TMEM244: variants seen among roughly 807,000 people sequenced by gnomAD.
The protein encoded by TMEM244 is putative transmembrane protein 244.
In TMEM244, 13 loss-of-function variants were observed where a neutral mutation model predicts 15.8. The observed-to-expected ratio is 0.82, with a 90% CI of 0.53 to 1.30. The LOEUF (loss-of-function observed/expected upper bound fraction) is 1.30, where lower values mean the gene tolerates loss of function less well. TMEM244 is among the 50% of genes most tolerant of loss of function. The probability of loss-of-function intolerance (pLI) is 0.00; values close to 1 mark genes in which losing one functional copy is unlikely to be tolerated. For synonymous variants in TMEM244, 45 were observed against 48.7 expected (o/e 0.92, Z 0.32); for missense variants, 161 against 144.9 (o/e 1.11, Z -0.57).
intron 3 of TMEM244, among the ~76,000 whole-genome samples, chr6:129,841,853 A>G (rs1776495561): frequency 1.3e-5 from 2 of 152,302 alleles, no homozygotes; most frequent in East Asian, 3.9e-4. Flanking sequence ...TGACCATAAT[A>G]AATACATGCC....
At position 129,845,748 on chromosome 6, in the gene TMEM244, AAGACAAT is replaced by A. The variant is rs1258241167; in HGVS notation, c.119+12_119+18del. 1 of 1,556,082 alleles carries A rather than the reference AAGACAAT, an allele frequency of 6.4e-7. No individual in the cohort carries two copies. On this transcript the variant is annotated intron_variant, in intron 2 of 4. Coordinates refer to ENST00000368143, the MANE Select transcript of TMEM244 (RefSeq NM_001010876.2). Reference sequence around the variant, plus strand: ...AATGTTAGCTTTTTAATTCTATTTGAAGACAATGTGCTACTTACTCAAACATCACGCA... The same window carrying A: ...AATGTTAGCTTTTTAATTCTATTTGAGTGCTACTTACTCAAACATCACGCA...
intron 1 of TMEM244, 143 bp downstream of exon 1, chr6:129,861,013 G>T: frequency 3.7e-6 from 3 of 802,582 alleles, no homozygotes; most frequent in South Asian, 3.5e-5. Flanking sequence ...TGCAAGCCGT[G>T]CAGCAGAATG....
In TMEM244 at chr6:129,851,430, A is replaced by G. The variant is rs138806576; in HGVS notation, c.34-5578T>C. Among the ~76,000 whole-genome samples, 1,124 of 152,172 alleles carry G rather than the reference A, an allele frequency of 7.4e-3. 19 individuals are homozygous for G. The highest frequency in any genetic ancestry group is 0.026 in the African/African-American group (1,078 of 41,532). On this transcript the variant is annotated intron_variant, in intron 1 of 4. Coordinates refer to ENST00000368143, the MANE Select transcript of TMEM244 (RefSeq NM_001010876.2). Reference sequence around the variant, plus strand: ...GTTACAGGTGTCTGCCACCATGCCCAGCAAATTTTTTGTATTTTTAGTAGA... The same window carrying G: ...GTTACAGGTGTCTGCCACCATGCCCGGCAAATTTTTTGTATTTTTAGTAGA...
chr6:129,838,950 C>CA (rs141557273), intron 3 of TMEM244, among the ~76,000 whole-genome samples: 33,015 of 151,896 alleles, frequency 0.22, 3,843 homozygotes, highest in South Asian at 0.26. Context: ...GCCTATCAAC[C>CA]AAAAAAAGTC....
At chr6:129,858,141 G>C (rs910825524) in intron 1 of TMEM244, among the ~76,000 whole-genome samples, 1 of 151,976 alleles carries the variant, frequency 6.6e-6, no homozygotes, top group Non-Finnish European at 1.5e-5. Flanking sequence ...AATATGTTTA[G>C]ATTTTTCTGT....
intron 1 of TMEM244, among the ~76,000 whole-genome samples, chr6:129,856,845 T>C (rs1011548390): frequency 6.6e-6 from 1 of 152,058 alleles, no homozygotes; most frequent in Non-Finnish European, 1.5e-5. Context: ...GATAGCTTTA[T>C]TATGTTTATG....
intron 1 of TMEM244, among the ~76,000 whole-genome samples, chr6:129,859,329 G>A (rs1776767613): frequency 6.6e-6 from 1 of 152,158 alleles, no homozygotes; most frequent in Non-Finnish European, 1.5e-5. Context: ...TCTCCCCATA[G>A]GAAAGACTGC....
intron 1 of TMEM244, among the ~76,000 whole-genome samples, chr6:129,846,432 T>G (rs560226199): frequency 1.3e-5 from 2 of 152,164 alleles, no homozygotes; most frequent in Non-Finnish European, 2.9e-5. Flanking sequence ...TTGACAAATT[T>G]TATATAGAGA....
chr6:129,857,205 A>G (rs1776724196), intron 1 of TMEM244, among the ~76,000 whole-genome samples: 1 of 151,846 alleles, frequency 6.6e-6, no homozygotes, highest in Admixed American at 6.6e-5. Flanking sequence ...CTACAATATC[A>G]CCTGTAAATA....
chr6:129,852,941 G>A (rs1331235422), intron 1 of TMEM244, among the ~76,000 whole-genome samples: 3 of 152,102 alleles, frequency 2.0e-5, no homozygotes, highest in Non-Finnish European at 4.4e-5. Flanking sequence ...TCCCTGCAGA[G>A]GGTATTCAAG....
Position 129,861,219 on chromosome 6 carries a change from A to T in TMEM244, c.-31T>A. The T allele has an allele frequency of 6.2e-7, 1 of 1,613,032 alleles. No homozygotes were observed. The highest frequency in any genetic ancestry group is 8.5e-7 in the Non-Finnish European group (1 of 1,179,210). ...CATCCTACGTCAAGGAGGTGATGAAAGCCCCACTCCTTATAGCGATGACAT... is the reference window on the plus strand; with the variant it reads ...CATCCTACGTCAAGGAGGTGATGAATGCCCCACTCCTTATAGCGATGACAT... On this transcript the variant is annotated 5_prime_UTR_variant, in exon 1 of 5. Coordinates refer to ENST00000368143, the MANE Select transcript of TMEM244 (RefSeq NM_001010876.2).
intron 4 of TMEM244, 47 bp downstream of exon 4, chr6:129,833,413 T>C: frequency 6.3e-7 from 1 of 1,582,014 alleles, no homozygotes; most frequent in Non-Finnish European, 8.6e-7. Context: ...ATGTCCAACA[T>C]CTGTTTTAAT....
chr6:129,831,315 G>C lies in TMEM244; in HGVS notation c.*4C>G. 1 of 1,505,688 alleles carries C rather than the reference G, an allele frequency of 6.6e-7. No homozygotes were observed. Among genetic ancestry groups the C allele is most frequent in the Non-Finnish European group, 9.2e-7 (1 of 1,082,494 alleles). 93.3% of individuals were successfully genotyped at this position (1,505,688 alleles called of 1,614,324 possible). ...TTTAACATTATTTCTGTGCATTAGA[G>C]AATCTAAACAAGCAATTTTGATATA... On this transcript the variant is annotated 3_prime_UTR_variant, in exon 5 of 5. Coordinates refer to ENST00000368143, the MANE Select transcript of TMEM244 (RefSeq NM_001010876.2).
intron 1 of TMEM244, among the ~76,000 whole-genome samples, chr6:129,854,460 G>C (rs1252756768): frequency 6.6e-6 from 1 of 152,096 alleles, no homozygotes; most frequent in Non-Finnish European, 1.5e-5. Flanking sequence ...AAAAGGAAGA[G>C]GTAAGAAGAG....
intron 3 of TMEM244, among the ~76,000 whole-genome samples, chr6:129,834,172 T>C (rs1308213920): frequency 1.3e-5 from 2 of 152,244 alleles, no homozygotes; most frequent in Non-Finnish European, 2.9e-5. Context: ...CTAAATCCAC[T>C]GGTAGTGACA....
intron 1 of TMEM244, among the ~76,000 whole-genome samples, chr6:129,860,176 A>G (rs1209113137): frequency 2.7e-5 from 4 of 149,850 alleles, no homozygotes; most frequent in African/African-American, 9.9e-5. Context: ...GTAAGCCCCG[A>G]CTAAATATAG....
chr6:129,837,862 G>A (rs1776431178), intron 3 of TMEM244, among the ~76,000 whole-genome samples: 1 of 152,216 alleles, frequency 6.6e-6, no homozygotes, highest in Non-Finnish European at 1.5e-5. Flanking sequence ...AATTCAACAA[G>A]AAGAGCTAAC....
chr6:129,859,284 G>C (rs1359850918), intron 1 of TMEM244, among the ~76,000 whole-genome samples: 1 of 152,140 alleles, frequency 6.6e-6, no homozygotes, highest in Non-Finnish European at 1.5e-5. Flanking sequence ...ATTAAGTACT[G>C]TATGTTCCCA....
At chr6:129,851,254 A>G (rs1368609830) in intron 1 of TMEM244, among the ~76,000 whole-genome samples, 3 of 151,886 alleles carry the variant, frequency 2.0e-5, no homozygotes, top group Non-Finnish European at 2.9e-5. Flanking sequence ...TTCACAATGA[A>G]AGCATGCTGA....
Sources: gnomAD v4.1 joint callset for allele counts (sites outside exome capture counted in the v4.1 genomes callset) on GRCh38, gnomAD v4.1.1 for gene constraint, MANE v1.5 for transcripts, NCBI Gene and HGNC (gene_info 2026-07-23, HGNC 2026-07-21) for gene names.